CA10: variants seen among roughly 807,000 people sequenced by gnomAD.
CA10 encodes the protein carbonic anhydrase 10 (inactive).
A neutral mutation model predicts 44.2 loss-of-function variants in CA10; 14 were observed. The observed-to-expected ratio is 0.32, with a 90% CI of 0.21 to 0.50. CA10 has a LOEUF of 0.50. Ranked by LOEUF, CA10 falls within the 20% of genes least tolerant of loss-of-function variation. The pLI is 0.99. For missense variants in CA10, 350 were observed against 409.7 expected (o/e 0.85, Z 1.26); for synonymous variants, 159 against 141.6 (o/e 1.12, Z -0.87).
intron 3 of CA10, among the ~76,000 whole-genome samples, chr17:51,867,283 T>G (rs202139): frequency 5.9e-5 from 9 of 152,166 alleles, no homozygotes; most frequent in Non-Finnish European, 1.0e-4. Context: ...AAAGCATGAT[T>G]TTCAAGGAAA....
intron 1 of CA10, among the ~76,000 whole-genome samples, chr17:52,091,065 T>C (rs975171171): frequency 6.6e-6 from 1 of 152,014 alleles, no homozygotes; most frequent in Non-Finnish European, 1.5e-5. Flanking sequence ...TTGAAGATTA[T>C]GTAAAGACAG....
intron 2 of CA10, among the ~76,000 whole-genome samples, chr17:52,021,971 G>T (rs980514925): frequency 6.6e-6 from 1 of 151,976 alleles, no homozygotes; most frequent in Non-Finnish European, 1.5e-5. Flanking sequence ...AATTCTACCA[G>T]ACATATGAAG....
intron 3 of CA10, among the ~76,000 whole-genome samples, chr17:51,835,139 C>T (rs1238306955): frequency 3.3e-5 from 5 of 152,186 alleles, no homozygotes; most frequent in Non-Finnish European, 1.5e-5. Flanking sequence ...TGGACATCAG[C>T]TTCTCAGGGA....
intron 3 of CA10, among the ~76,000 whole-genome samples, chr17:51,755,624 G>T (rs915308514): frequency 2.0e-5 from 3 of 152,342 alleles, no homozygotes; most frequent in Admixed American, 6.5e-5. Flanking sequence ...GCAGAAGGAA[G>T]AGATGGCCTA....
At chr17:52,034,184 T>C (rs1027476581) in intron 2 of CA10, among the ~76,000 whole-genome samples, 29 of 152,194 alleles carry the variant, frequency 1.9e-4, no homozygotes, top group African/African-American at 6.8e-4. Context: ...AGATCTTATG[T>C]AAAATTTTCT....
At position 51,709,391 on chromosome 17, in the gene CA10, A is replaced by G. The variant is rs180964474; in HGVS notation, c.465+38242T>C. Among the ~76,000 whole-genome samples the G allele has an allele frequency of 2.6e-3, 401 of 152,340 alleles. 4 individuals carry two copies. Among genetic ancestry groups the G allele is most frequent in the Middle Eastern group, 0.01 (3 of 294 alleles). ...GCTTAGAGTTCAGGCTACTTCAGAT[A>G]AGATGATTAGGGAATGCTTCTCTGG... On this transcript the variant is annotated intron_variant, in intron 4 of 8. Transcript: ENST00000451037.
At chr17:51,634,740 T>C (rs917818531) in intron 7 of CA10, among the ~76,000 whole-genome samples, 5 of 152,146 alleles carry the variant, frequency 3.3e-5, no homozygotes, top group African/African-American at 1.2e-4. Context: ...TCATACCACT[T>C]CCTCTTGAAG....
At chr17:51,641,786 C>CT (rs5820865) in intron 6 of CA10, among the ~76,000 whole-genome samples, 2 of 150,518 alleles carry the variant, frequency 1.3e-5, no homozygotes, top group African/African-American at 2.4e-5. Context: ...TCAGTCTGAA[C>CT]TTTTTTTTTT....
intron 3 of CA10, among the ~76,000 whole-genome samples, chr17:51,863,731 A>T (rs1979419243): frequency 6.6e-6 from 1 of 152,220 alleles, no homozygotes; most frequent in Non-Finnish European, 1.5e-5. Context: ...ACTTGTGATT[A>T]GAATACAAAC....
chr17:51,703,783 A>C (rs1915674859), intron 4 of CA10, among the ~76,000 whole-genome samples: 1 of 152,222 alleles, frequency 6.6e-6, no homozygotes, highest in Non-Finnish European at 1.5e-5. Flanking sequence ...AAAGTTTTTA[A>C]AATTCAATTT....
At chr17:52,124,185 CCT>C (rs1989071506) in intron 1 of CA10, among the ~76,000 whole-genome samples, 1 of 152,218 alleles carries the variant, frequency 6.6e-6, no homozygotes, top group South Asian at 2.1e-4. Flanking sequence ...CTGCATTTAT[CCT>C]CTCTCCTTCA....
At chr17:51,835,615 A>G (rs1194626103) in intron 3 of CA10, among the ~76,000 whole-genome samples, 2 of 152,186 alleles carry the variant, frequency 1.3e-5, no homozygotes, top group African/African-American at 4.8e-5. Flanking sequence ...AAACATTCAC[A>G]TTGTACCTCC....
intron 4 of CA10, among the ~76,000 whole-genome samples, chr17:51,712,599 G>A (rs1473579469): frequency 6.6e-6 from 1 of 152,174 alleles, no homozygotes; most frequent in Non-Finnish European, 1.5e-5. Context: ...AGGCACCGGG[G>A]ATTGATATTG....
chr17:51,952,987 C>A (rs1435269756), intron 2 of CA10, among the ~76,000 whole-genome samples: 1 of 152,144 alleles, frequency 6.6e-6, no homozygotes, highest in Admixed American at 6.6e-5. Context: ...GTCTTGAACT[C>A]CTGGCCTCAA....
chr17:51,855,902 A>G lies in CA10; in HGVS notation c.279+75088T>C, dbSNP rs564639509. Among the ~76,000 whole-genome samples the G allele has an allele frequency of 2.0e-5, 3 of 152,246 alleles. No homozygotes were observed. In the East Asian group the frequency reaches 5.8e-4, roughly 29 times the overall value. On this transcript the variant is annotated intron_variant, in intron 3 of 8. Transcript: ENST00000451037. ...GACTTGGAGCCTGAAGACTTTTGTCATGGTCTTTGCTTTCCTCCCTAATTG... is the reference window on the plus strand; with the variant it reads ...GACTTGGAGCCTGAAGACTTTTGTCGTGGTCTTTGCTTTCCTCCCTAATTG...
intron 4 of CA10, among the ~76,000 whole-genome samples, chr17:51,712,544 C>T (rs560412842): frequency 6.6e-6 from 1 of 152,276 alleles, no homozygotes; most frequent in East Asian, 1.9e-4. Context: ...TAAAAATTTG[C>T]TCTGTAAAGA....
intron 1 of CA10, among the ~76,000 whole-genome samples, chr17:52,136,898 G>A (rs1989372187): frequency 6.6e-6 from 1 of 152,118 alleles, no homozygotes; most frequent in South Asian, 2.1e-4. Flanking sequence ...AAGCAACATG[G>A]AGTTGCTTTG....
chr17:52,085,233 A>G (rs1197377897), intron 1 of CA10, among the ~76,000 whole-genome samples: 1 of 152,228 alleles, frequency 6.6e-6, no homozygotes, highest in African/African-American at 2.4e-5. Flanking sequence ...GCCTAGACAC[A>G]GATCCTAGAC....
At chr17:51,720,082 T>A (rs1217763594) in intron 4 of CA10, among the ~76,000 whole-genome samples, 1 of 152,124 alleles carries the variant, frequency 6.6e-6, no homozygotes, top group Non-Finnish European at 1.5e-5. Context: ...TAAGAAATAT[T>A]ATTTGGTTTT....
Sources: gnomAD v4.1 joint callset for allele counts (sites outside exome capture counted in the v4.1 genomes callset) on GRCh38, gnomAD v4.1.1 for gene constraint, MANE v1.5 for transcripts, NCBI Gene and HGNC (gene_info 2026-07-23, HGNC 2026-07-21) for gene names.